Variants in ABCA1 observed in about 807,000 individuals in gnomAD.
The protein encoded by ABCA1 is phospholipid-transporting ATPase ABCA1.
In ABCA1, 133 loss-of-function variants were observed where a neutral mutation model predicts 262.5. The ratio of observed to expected loss-of-function variants is 0.51; its 90% CI spans 0.44 to 0.59. The LOEUF (loss-of-function observed/expected upper bound fraction) is 0.59, where lower values mean the gene tolerates loss of function less well. ABCA1 is among the 20% of genes least tolerant of loss of function. The pLI, the probability that ABCA1 is intolerant of heterozygous loss-of-function variation, is 0.00. For synonymous variants in ABCA1, 1,022 were observed against 1,043.5 expected, an observed-to-expected ratio of 0.98 and a Z score of 0.40; for missense variants, 2,452 against 2,777.5, an observed-to-expected ratio of 0.88 and a Z score of 2.63.
In ABCA1 at chr9:104,831,636, A is replaced by G; in HGVS notation, c.1701T>C (p.Asn567=). Residue 567 remains asparagine, a synonymous_variant, in exon 13 of 50, where the codon AAT becomes AAC. Coordinates refer to ENST00000374736, the MANE Select transcript of ABCA1 (RefSeq NM_005502.4). ...ATTCCACTTACCCATCCTTGATTTT[A>G]TTTGTCCTCTCCACATTGTCAATGT... ...RMDIDNVERT[N]KIKDGYWDPG... The G allele has an allele frequency of 6.2e-7, 1 of 1,613,692 alleles. No individual in the cohort carries two copies. The highest frequency in any genetic ancestry group is 8.5e-7 in the Non-Finnish European group (1 of 1,179,716).
chr9:104,823,825 C>T lies in ABCA1; in HGVS notation c.2656+640G>A, dbSNP rs955202982. On this transcript the variant is annotated intron_variant, in intron 18 of 49. Coordinates refer to ENST00000374736, the MANE Select transcript of ABCA1 (RefSeq NM_005502.4). ...AAGATGATTAGGAACAGCAGGCAAGCGTGCTACACTAAGGGGCATCATACT... is the reference window on the plus strand; with the variant it reads ...AAGATGATTAGGAACAGCAGGCAAGTGTGCTACACTAAGGGGCATCATACT... Among the ~76,000 whole-genome samples, 28 of 152,046 alleles carry T rather than the reference C, an allele frequency of 1.8e-4. 2 individuals carry two copies. The highest frequency in any genetic ancestry group is 3.2e-4 in the Non-Finnish European group (22 of 68,010).
chr9:104,880,515 A>G (rs1838537665), intron 5 of ABCA1, among the ~76,000 whole-genome samples: 1 of 151,862 alleles, frequency 6.6e-6, no homozygotes, highest in African/African-American at 2.4e-5. Context: ...TCTCTAAAAA[A>G]AAAAAAAACT....
chr9:104,820,546 T>C (rs979365240), intron 20 of ABCA1, among the ~76,000 whole-genome samples: 1 of 152,178 alleles, frequency 6.6e-6, no homozygotes, highest in Non-Finnish European at 1.5e-5. Context: ...CTGTTCACTT[T>C]AGATAAGAAG....
intron 6 of ABCA1, among the ~76,000 whole-genome samples, chr9:104,859,503 C>T (rs949170442): frequency 6.6e-6 from 1 of 151,778 alleles, no homozygotes; most frequent in Non-Finnish European, 1.5e-5. Flanking sequence ...CTCTTTATTA[C>T]ACCATTACTA....
At chr9:104,864,006 C>T (rs1836854088) in intron 5 of ABCA1, among the ~76,000 whole-genome samples, 1 of 152,244 alleles carries the variant, frequency 6.6e-6, no homozygotes, top group South Asian at 2.1e-4. Flanking sequence ...ATCCCTTACA[C>T]TTTTAATGTT....
At chr9:104,836,562 G>C (rs60070164) in intron 11 of ABCA1, among the ~76,000 whole-genome samples, 2,232 of 152,278 alleles carry the variant, frequency 0.015, 60 homozygotes, top group African/African-American at 0.051. Flanking sequence ...ACAGTGCCCT[G>C]AGAATGAGTA....
At chr9:104,894,345 C>T (rs1283091437) in intron 2 of ABCA1, among the ~76,000 whole-genome samples, 1 of 152,040 alleles carries the variant, frequency 6.6e-6, no homozygotes, top group Non-Finnish European at 1.5e-5. Flanking sequence ...TTCCCCATGG[C>T]AACTGACAGC....
chr9:104,788,765 C>T (rs1023557614), intron 44 of ABCA1, among the ~76,000 whole-genome samples, 198 bp from the exon 45 acceptor site: 1 of 152,234 alleles, frequency 6.6e-6, no homozygotes, highest in African/African-American at 2.4e-5. Context: ...TCTACCCTCC[C>T]CAGTCCTTGC....
At chr9:104,904,392 A>G (rs933924212) in intron 1 of ABCA1, among the ~76,000 whole-genome samples, 10 of 151,962 alleles carry the variant, frequency 6.6e-5, no homozygotes, top group Admixed American at 5.9e-4. Flanking sequence ...ATACGGTGAA[A>G]CCCCGTCTCT....
chr9:104,915,654 T>C (rs10991406), intron 1 of ABCA1, among the ~76,000 whole-genome samples: 16,553 of 152,140 alleles, frequency 0.11, 1,110 homozygotes, highest in African/African-American at 0.19. Flanking sequence ...TATTAAGATT[T>C]TCACAAATCA....
chr9:104,811,278 C>A (rs1831257056), intron 28 of ABCA1, among the ~76,000 whole-genome samples: 2 of 152,224 alleles, frequency 1.3e-5, no homozygotes, highest in South Asian at 4.1e-4. Flanking sequence ...TACATTGGGC[C>A]ATGAACCCAG....
intron 3 of ABCA1, among the ~76,000 whole-genome samples, chr9:104,885,079 T>C (rs1460757527): frequency 1.3e-5 from 2 of 151,872 alleles, no homozygotes; most frequent in Non-Finnish European, 2.9e-5. Flanking sequence ...CTACTAAGCA[T>C]ACAAAAATTC....
In ABCA1 at chr9:104,809,646, C is replaced by T. The variant is rs1661834392; in HGVS notation, c.4176-82G>A. The T allele has an allele frequency of 4.0e-6, 5 of 1,246,308 alleles. No individual in the cohort carries two copies. The South Asian group carries it at 6.4e-5, about 16-fold the overall frequency. 77.2% of individuals were successfully genotyped at this position (1,246,308 alleles called of 1,614,324 possible). A position where few individuals can be genotyped will look rare whatever the true frequency, so the allele number is the denominator to read the frequency against. On this transcript the variant is annotated intron_variant, in intron 29 of 49. Transcript: ENST00000374736. ...GATAAAAATGTTTTTATAAATTAAA[C>T]ATTTTAGGAAGCATTTCTCTGTGAC... is the stretch of plus-strand genomic sequence containing the variant.
At chr9:104,847,963 C>T (rs1471902543) in intron 7 of ABCA1, among the ~76,000 whole-genome samples, 2 of 152,018 alleles carry the variant, frequency 1.3e-5, no homozygotes, top group Non-Finnish European at 2.9e-5. Context: ...TATTAACTGG[C>T]CTCAAAGTTG....
Position 104,884,567 on chromosome 9 carries a change from G to A in ABCA1, c.162C>T (p.Cys54=). 6.2e-7 allele frequency: 1 copy of A among 1,614,192 alleles called. No homozygotes were observed. Among genetic ancestry groups the A allele is most frequent in the Non-Finnish European group, 8.5e-7 (1 of 1,180,012 alleles). ...LSYPPYEQHE[C]HFPNKAMPSA... ...AGGGCATGGCTTTATTTGGAAAATG[G>A]CCTGTTGAAATCGAGGAGTAGAAAA... is the stretch of plus-strand genomic sequence containing the variant. The change falls in exon 4 of 50, where the codon TGC becomes TGT. Residue 54 remains cysteine (C), a splice_region_variant and synonymous_variant. Transcript: ENST00000374736.
At chr9:104,869,208 A>G (rs1034064606) in intron 5 of ABCA1, among the ~76,000 whole-genome samples, 13 of 152,090 alleles carry the variant, frequency 8.5e-5, no homozygotes, top group African/African-American at 3.1e-4. Context: ...CAGAGCAATC[A>G]GCTGCTTTAG....
rs79648177 is a variant in ABCA1, at chr9:104,886,814, T to C, written c.161-2246A>G. 7.6e-3 allele frequency among the ~76,000 whole-genome samples: 1,159 copies of C among 152,342 alleles called. 11 individuals are homozygous for C. The highest frequency in any genetic ancestry group is 0.026 in the African/African-American group (1,069 of 41,572). ...GGCTCTCAGGACCCAGGGAAGTTTTTAAGACCTTGATAACTCTGGTTTGAA... is the reference window on the plus strand; with the variant it reads ...GGCTCTCAGGACCCAGGGAAGTTTTCAAGACCTTGATAACTCTGGTTTGAA... On this transcript the variant is annotated intron_variant, in intron 3 of 49. Transcript: ENST00000374736.
At chr9:104,884,956 C>T (rs1348980258) in intron 3 of ABCA1, among the ~76,000 whole-genome samples, 2 of 152,220 alleles carry the variant, frequency 1.3e-5, no homozygotes, top group Admixed American at 6.5e-5. Context: ...ATGAAGTGGG[C>T]TGGGCACAGT....
At chr9:104,788,942 A>C (rs1181999259) in intron 44 of ABCA1, among the ~76,000 whole-genome samples, 1 of 152,210 alleles carries the variant, frequency 6.6e-6, no homozygotes, top group East Asian at 1.9e-4. Context: ...CACCATTCAC[A>C]TGCACCAAAT....
Sources: allele counts gnomAD v4.1 joint callset (sites outside exome capture counted in the v4.1 genomes callset), GRCh38; gene constraint gnomAD v4.1.1; transcripts MANE v1.5; gene names NCBI Gene and HGNC (gene_info 2026-07-23, HGNC 2026-07-21).